CR1L: variants seen among roughly 807,000 people sequenced by gnomAD.
CR1L encodes the protein complement C3b/C4b receptor 1 like.
A neutral mutation model predicts 62.3 loss-of-function variants in CR1L; 59 were observed. The observed-to-expected ratio is 0.95, with a 90% CI of 0.77 to 1.18. The LOEUF (loss-of-function observed/expected upper bound fraction) is 1.18, where lower values mean the gene tolerates loss of function less well. Among genes scored for constraint, CR1L ranks in the 50% most tolerant of loss-of-function variants. The probability of loss-of-function intolerance (pLI) is 0.00; values close to 1 mark genes in which losing one functional copy is unlikely to be tolerated. For synonymous variants in CR1L, 279 were observed against 248.7 expected, an observed-to-expected ratio of 1.12 and a Z score of -1.15; for missense variants, 700 against 702.8, an observed-to-expected ratio of 1.00 and a Z score of 0.04.
chr1:207,659,023 G>A (rs1663362808), intron 1 of CR1L: 1 of 152,496 alleles, frequency 6.6e-6, no homozygotes, highest in Non-Finnish European at 1.5e-5. Flanking sequence ...ACCAAGCTGG[G>A]CCCCTGCAAC....
At chr1:207,722,740 G>A (rs1475098763) in intron 11 of CR1L, among the ~76,000 whole-genome samples, 1 of 152,074 alleles carries the variant, frequency 6.6e-6, no homozygotes, top group African/African-American at 2.4e-5. Context: ...TATATTGAAG[G>A]TACTATTGTA....
At chr1:207,658,884 G>C (rs569970021) in intron 1 of CR1L, 1 of 152,564 alleles carries the variant, frequency 6.6e-6, no homozygotes, top group South Asian at 2.1e-4. Flanking sequence ...GAAGCTTTCA[G>C]AAGTGGCTAG....
chr1:207,713,980 C>T (rs915720136), intron 10 of CR1L, among the ~76,000 whole-genome samples: 6 of 152,190 alleles, frequency 3.9e-5, no homozygotes, highest in African/African-American at 7.2e-5. Context: ...AATAACTTCC[C>T]TCCCCTAGGA....
At chr1:207,669,934 G>T (rs377626679) in intron 1 of CR1L, among the ~76,000 whole-genome samples, 1 of 151,272 alleles carries the variant, frequency 6.6e-6, no homozygotes, top group Non-Finnish European at 1.5e-5. Context: ...TTGGGGATCC[G>T]ACAAACCTGA....
At chr1:207,655,756 A>G (rs1424515368) in intron 1 of CR1L, among the ~76,000 whole-genome samples, 4 of 152,256 alleles carry the variant, frequency 2.6e-5, no homozygotes, top group East Asian at 1.9e-4. Context: ...TTGTAAGAAT[A>G]GATGCAATAC....
At chr1:207,700,666 A>C (rs1238073522) in intron 8 of CR1L, among the ~76,000 whole-genome samples, 1 of 152,190 alleles carries the variant, frequency 6.6e-6, no homozygotes, top group East Asian at 1.9e-4. Context: ...GAGACTGATG[A>C]TCAATATCAG....
chr1:207,701,969 A>G (rs1290585709), intron 9 of CR1L, among the ~76,000 whole-genome samples: 2 of 152,208 alleles, frequency 1.3e-5, no homozygotes, highest in Non-Finnish European at 2.9e-5. Context: ...ACAAATCTTA[A>G]TGATAACAGC....
At chr1:207,705,167 C>T (rs1664248768) in intron 9 of CR1L, among the ~76,000 whole-genome samples, 2 of 152,170 alleles carry the variant, frequency 1.3e-5, no homozygotes, top group Admixed American at 1.3e-4. Flanking sequence ...ATGCTGTTCT[C>T]CTCTCTGTTC....
intron 10 of CR1L, among the ~76,000 whole-genome samples, chr1:207,708,677 A>C (rs74152375): frequency 0.029 from 4,458 of 152,328 alleles, 208 homozygotes; most frequent in African/African-American, 0.1. Flanking sequence ...TTCTTTGTCT[A>C]AACAGGATCA....
intron 1 of CR1L, among the ~76,000 whole-genome samples, chr1:207,664,015 AATAGCAACTAAATTT>A (rs1192614809): frequency 1.3e-5 from 2 of 152,238 alleles, no homozygotes; most frequent in Non-Finnish European, 2.9e-5. Context: ...TTTATCTGGC[AATAGCAACTAAATTT>A]ATAGCAACTG....
chr1:207,677,885 ACT>A (rs1298164734), intron 2 of CR1L, among the ~76,000 whole-genome samples: 3 of 152,260 alleles, frequency 2.0e-5, no homozygotes, highest in Non-Finnish European at 4.4e-5. Flanking sequence ...GGATTAAATA[ACT>A]AAAAGATGCG....
At chr1:207,663,798 T>A (rs1056400850) in intron 1 of CR1L, among the ~76,000 whole-genome samples, 1 of 152,218 alleles carries the variant, frequency 6.6e-6, no homozygotes, top group Non-Finnish European at 1.5e-5. Context: ...CTTTTCAGAG[T>A]GATCTGTTGA....
rs552146102 is a variant in CR1L at position 207,696,628 on chromosome 1, T to A, written c.863-875T>A. On this transcript the variant is annotated intron_variant, in intron 5 of 11. Transcript: ENST00000508064. The stretch of plus-strand genomic sequence containing the variant: ...TTTACAAACTCCCTAAAGAAGTCAT[T>A]TTTCTAGTCCAATCCCCCATTTGAT... Among the ~76,000 whole-genome samples the A allele has an allele frequency of 2.6e-5, 4 of 152,266 alleles. No homozygotes were observed. The East Asian group carries it at 7.7e-4, about 29-fold the overall frequency.
At chr1:207,715,666 G>T (rs546171969) in intron 10 of CR1L, among the ~76,000 whole-genome samples, 1 of 152,112 alleles carries the variant, frequency 6.6e-6, no homozygotes, top group Non-Finnish European at 1.5e-5. Flanking sequence ...ATTTTAGTCA[G>T]TCATTTATTT....
At chr1:207,677,656 A>T in intron 2 of CR1L, 88 bp downstream of exon 2, 1 of 1,458,650 alleles carries the variant, frequency 6.9e-7, no homozygotes, top group Non-Finnish European at 9.4e-7. Flanking sequence ...ACTGAGTTGC[A>T]TACAACAATT....
intron 8 of CR1L, among the ~76,000 whole-genome samples, chr1:207,700,991 C>G (rs1474878866): frequency 6.6e-6 from 1 of 152,128 alleles, no homozygotes; most frequent in African/African-American, 2.4e-5. Context: ...ATAAGAGAAA[C>G]CTTTTTTCAA....
chr1:207,679,214 A>G lies in CR1L; in HGVS notation c.377+917A>G, dbSNP rs1266105437. On this transcript the variant is annotated intron_variant, in intron 3 of 11. Transcript: ENST00000508064. ...GAGACAGGATTTCACCATGTTAGCC[A>G]GGATGGTCTCGATCTCCTGATCTCA... is the stretch of plus-strand genomic sequence containing the variant. Among the ~76,000 whole-genome samples the G allele has an allele frequency of 4.6e-5, 6 of 131,696 alleles. No individual in the cohort carries two copies. The South Asian group carries it at 1.5e-3, about 32-fold the overall frequency. The allele number at this position is 131,696 out of a possible 152,430, so 86.4% of individuals were successfully genotyped here. A position where few individuals can be genotyped will look rare whatever the true frequency, so the allele number is the denominator to read the frequency against.
At chr1:207,678,159 T>C in intron 2 of CR1L, 39 bp from the exon 3 acceptor site, 1 of 1,594,084 alleles carries the variant, frequency 6.3e-7, no homozygotes, top group Non-Finnish European at 8.6e-7. Context: ...AAATTCAGTT[T>C]ACTCTACTTG....
chr1:207,647,737 T>A (rs1663152593), intron 1 of CR1L, among the ~76,000 whole-genome samples: 1 of 152,176 alleles, frequency 6.6e-6, no homozygotes, highest in Non-Finnish European at 1.5e-5. Flanking sequence ...CCTAAAAAGC[T>A]AGGGCAGCAG....
Sources: allele counts gnomAD v4.1 joint callset (sites outside exome capture counted in the v4.1 genomes callset), GRCh38; gene constraint gnomAD v4.1.1; transcripts MANE v1.5; gene names NCBI Gene and HGNC (gene_info 2026-07-23, HGNC 2026-07-21).